YBX3: variants seen among roughly 807,000 people sequenced by gnomAD.
The protein encoded by YBX3 is Y-box binding protein 3.
In YBX3, 29 loss-of-function variants were observed where a neutral mutation model predicts 42.4. The observed-to-expected ratio is 0.68, with a 90% CI of 0.51 to 0.93. The LOEUF (loss-of-function observed/expected upper bound fraction) is 0.93. Ranked by LOEUF, YBX3 falls within the 40% of genes least tolerant of loss-of-function variation. The probability of loss-of-function intolerance (pLI) is 0.00; values close to 1 mark genes in which losing one functional copy is unlikely to be tolerated. For synonymous variants in YBX3, 195 were observed against 189.8 expected (o/e 1.03, Z -0.22); for missense variants, 517 against 527.5 (o/e 0.98, Z 0.19).
chr12:10,708,195 C>G (rs1243319458), intron 6 of YBX3, among the ~76,000 whole-genome samples: 1 of 152,122 alleles, frequency 6.6e-6, no homozygotes, highest in East Asian at 1.9e-4. Flanking sequence ...GTGAATGATT[C>G]TACTTAATTT....
At chr12:10,704,913 T>C (rs943187442) in intron 6 of YBX3, among the ~76,000 whole-genome samples, 2 of 152,208 alleles carry the variant, frequency 1.3e-5, no homozygotes, top group Admixed American at 1.3e-4. Flanking sequence ...CCCAGTGAAA[T>C]AGCACCCATC....
rs79421350 is a variant in YBX3, at chr12:10,713,651, C to T, written c.451-318G>A. Among the ~76,000 whole-genome samples the T allele has an allele frequency of 5.4e-3, 821 of 152,224 alleles. 12 individuals carry two copies. Among genetic ancestry groups the T allele is most frequent in the East Asian group, 0.032 (166 of 5,180 alleles). On this transcript the variant is annotated intron_variant, in intron 4 of 9. Transcript: ENST00000228251. Reference sequence around the variant, plus strand: ...TGTCAAAGTAGAAGCAATGCTAGACCAGGAAGAATATTCCTCAATGGGAAA... The same window carrying T: ...TGTCAAAGTAGAAGCAATGCTAGACTAGGAAGAATATTCCTCAATGGGAAA...
chr12:10,706,932 G>A (rs1174977621), intron 6 of YBX3, among the ~76,000 whole-genome samples: 1 of 152,126 alleles, frequency 6.6e-6, no homozygotes, highest in African/African-American at 2.4e-5. Flanking sequence ...CAGGAGAATG[G>A]CATGAACCCA....
At chr12:10,718,000 C>A in intron 3 of YBX3, 88 bp downstream of exon 3, 7 of 1,105,080 alleles carry the variant, frequency 6.3e-6, no homozygotes, top group Non-Finnish European at 9.1e-6. Context: ...AAATAATAAT[C>A]CATAGGACTT....
At chr12:10,704,620 T>C (rs1948117388) in intron 6 of YBX3, among the ~76,000 whole-genome samples, 1 of 142,174 alleles carries the variant, frequency 7.0e-6, no homozygotes, top group Admixed American at 7.0e-5. Flanking sequence ...TTTTCTTTTC[T>C]CAAAACATCC....
At chr12:10,707,361 C>G (rs543287728) in intron 6 of YBX3, among the ~76,000 whole-genome samples, 43 of 152,266 alleles carry the variant, frequency 2.8e-4, no homozygotes, top group Non-Finnish European at 4.7e-4. Context: ...CTTCAGTATT[C>G]CCGTATTTGT....
chr12:10,719,238 C>A (rs1033315915), intron 1 of YBX3, 95 bp from the exon 2 acceptor site: 1 of 1,045,296 alleles, frequency 9.6e-7, no homozygotes, highest in African/African-American at 1.6e-5. Context: ...AAAGCCTAAA[C>A]ATACCTAAAG....
At chr12:10,716,046 C>G (rs1948258479) in intron 3 of YBX3, 1 of 428,228 alleles carries the variant, frequency 2.3e-6, no homozygotes, top group East Asian at 5.0e-5. Flanking sequence ...GCAGTGTGTG[C>G]AGTGACTACA....
intron 6 of YBX3, among the ~76,000 whole-genome samples, chr12:10,708,615 C>G (rs888511165): frequency 2.0e-5 from 3 of 152,254 alleles, no homozygotes; most frequent in Non-Finnish European, 2.9e-5. Context: ...TTACTTCTGA[C>G]ATGGAATAGG....
intron 7 of YBX3, 46 bp from the exon 8 acceptor site, chr12:10,702,180 G>A: frequency 1.3e-6 from 2 of 1,546,306 alleles, no homozygotes; most frequent in South Asian, 1.2e-5. Flanking sequence ...AACAGGACAG[G>A]GCTTCTCCAG....
At position 10,701,826 on chromosome 12, in the gene YBX3, A is replaced by T. The variant is rs991405570; in HGVS notation, c.1053+134T>A. On this transcript the variant is annotated intron_variant, in intron 8 of 9. Coordinates refer to ENST00000228251, the MANE Select transcript of YBX3 (RefSeq NM_003651.5). ...GTTATGTACAAGGCATACCCTATAT[A>T]TATGGATCTTGAGCAAAATGTTTTT... The T allele has an allele frequency of 8.9e-6, 9 of 1,012,030 alleles. No homozygotes were observed. The African/African-American group carries it at 1.5e-4, about 16-fold the overall frequency. The allele number at this position is 1,012,030 out of a possible 1,614,324, so 62.7% of individuals were successfully genotyped here. A position where few individuals can be genotyped will look rare whatever the true frequency, so the allele number is the denominator to read the frequency against.
chr12:10,713,252 T>C lies in YBX3; in HGVS notation c.532A>G (p.Arg178Gly), dbSNP rs1565589914. 1 of 1,614,096 alleles carries C rather than the reference T, an allele frequency of 6.2e-7. No homozygotes were observed. Residue 178 changes from arginine (R) to glycine (G), a missense_variant, in exon 5 of 10, where the codon AGA becomes GGA. Coordinates refer to ENST00000228251, the MANE Select transcript of YBX3 (RefSeq NM_003651.5). ...SRYAADRRRY[R>G]RGYYGRRRGP... Reference sequence around the variant, plus strand: ...CGGCGCCTTCCATAGTAGCCACGTCTGTAACGGCGCCGATCTGCAGCGTAA... The same window carrying C: ...CGGCGCCTTCCATAGTAGCCACGTCCGTAACGGCGCCGATCTGCAGCGTAA...
chr12:10,709,782 T>G, intron 6 of YBX3, 126 bp downstream of exon 6: 4 of 1,186,196 alleles, frequency 3.4e-6, no homozygotes, highest in Non-Finnish European at 5.0e-6. Context: ...TGCCTCAGCT[T>G]TTGTAGCATC....
At position 10,709,995 on chromosome 12, in the gene YBX3, C is replaced by G. The variant is rs754694114; in HGVS notation, c.693G>C (p.Gln231His). 3.3e-5 allele frequency: 53 copies of G among 1,614,066 alleles called. No homozygotes were observed. In the Middle Eastern group the frequency reaches 6.6e-4, roughly 20 times the overall value. ...NQLRRPQYRP[Q>H]YRQRRFPPYH... ...AAGGCGGGAACCGCCGCTGCCGGTA[C>G]TGAGGGCGATACTGGGGGCGGCGCA... The change falls in exon 6 of 10, where the codon CAG becomes CAC. Residue 231 changes from glutamine to histidine, a missense_variant. By Grantham distance (24) the Gln-to-His change is conservative. Transcript: ENST00000228251.
At chr12:10,722,616 G>A (rs998013141) in intron 1 of YBX3, among the ~76,000 whole-genome samples, 1 of 152,244 alleles carries the variant, frequency 6.6e-6, no homozygotes, top group African/African-American at 2.4e-5. Context: ...GAAGGGAGAT[G>A]CACACGGCCG....
Position 10,718,956 on chromosome 12 carries a change from A to G in YBX3, c.326+124T>C, listed in dbSNP as rs190416910. 80 of 766,918 alleles carry G rather than the reference A, an allele frequency of 1.0e-4. 1 individual carries two copies. In the Admixed American group the frequency reaches 1.9e-3, roughly 18 times the overall value. 47.5% of individuals were successfully genotyped at this position (766,918 alleles called of 1,614,324 possible). A position where few individuals can be genotyped will look rare whatever the true frequency, so the allele number is the denominator to read the frequency against. On this transcript the variant is annotated intron_variant, in intron 2 of 9. Transcript: ENST00000228251. Reference sequence around the variant, plus strand: ...CAACCAGTAGCTTAGAAATGAGAATATTTACAGTGCTTAGAAACCTAAAAA... The same window carrying G: ...CAACCAGTAGCTTAGAAATGAGAATGTTTACAGTGCTTAGAAACCTAAAAA...
chr12:10,713,184 A>G, intron 5 of YBX3, 27 bp downstream of exon 5: 1 of 1,594,538 alleles, frequency 6.3e-7, no homozygotes, highest in Non-Finnish European at 8.5e-7. Context: ...TTTCTCAATC[A>G]CTGGTTAAGT....
Position 10,699,644 on chromosome 12 carries a change from C to A in YBX3, c.*45G>T, listed in dbSNP as rs1006003786. ...CTTTATTTCTGAATGGTCATTAATT[C>A]TTTAGGTCACCTGGGAAAAATTAAA... On this transcript the variant is annotated 3_prime_UTR_variant, in exon 10 of 10. Transcript: ENST00000228251. The A allele has an allele frequency of 1.3e-5, 2 of 152,486 alleles. No homozygotes were observed. Among genetic ancestry groups the A allele is most frequent in the African/African-American group, 4.8e-5 (2 of 41,388 alleles). The allele number at this position is 152,486 out of a possible 1,614,324, so 9.4% of individuals were successfully genotyped here.
At chr12:10,721,515 A>G (rs1326050820) in intron 1 of YBX3, among the ~76,000 whole-genome samples, 5 of 152,234 alleles carry the variant, frequency 3.3e-5, no homozygotes, top group African/African-American at 1.2e-4. Context: ...ACAACATCAC[A>G]ATGTACTACT....
Sources: gnomAD v4.1 joint callset for allele counts (sites outside exome capture counted in the v4.1 genomes callset) on GRCh38, gnomAD v4.1.1 for gene constraint, MANE v1.5 for transcripts, NCBI Gene and HGNC (gene_info 2026-07-23, HGNC 2026-07-21) for gene names.